Variants in MAPK10 observed in about 807,000 individuals in gnomAD.
The protein encoded by MAPK10 is JNK3 alpha protein kinase.
MAPK10 carries 25 observed loss-of-function variants against 59.3 expected under a neutral mutation model. The ratio of observed to expected loss-of-function variants is 0.42; its 90% CI spans 0.31 to 0.59. The LOEUF (loss-of-function observed/expected upper bound fraction) is 0.59, where lower values mean the gene tolerates loss of function less well. Among genes scored for constraint, MAPK10 ranks in the 20% least tolerant of loss-of-function variants. MAPK10 has a pLI of 0.15. For missense variants in MAPK10, 351 were observed against 568.9 expected, an observed-to-expected ratio of 0.62 and a Z score of 3.90; for synonymous variants, 190 against 200.5, an observed-to-expected ratio of 0.95 and a Z score of 0.44.
intron 3 of MAPK10, among the ~76,000 whole-genome samples, chr4:86,162,518 G>T (rs797020917): frequency 6.6e-6 from 1 of 152,016 alleles, no homozygotes; most frequent in African/African-American, 2.4e-5. Flanking sequence ...TGGTCTTGGC[G>T]CAAACTCATG....
chr4:86,479,474 CAA>C (rs35632643), intron 1 of MAPK10, among the ~76,000 whole-genome samples: 12 of 138,390 alleles, frequency 8.7e-5, no homozygotes, highest in Non-Finnish European at 6.3e-5. Context: ...CACCCCCCAC[CAA>C]AAAAAAAAAA....
intron 1 of MAPK10, among the ~76,000 whole-genome samples, chr4:86,377,688 A>AT (rs1740035437): frequency 6.6e-6 from 1 of 152,172 alleles, no homozygotes; most frequent in Admixed American, 6.5e-5. Flanking sequence ...AGGAATAAAC[A>AT]TTTTTAAGTC....
intron 1 of MAPK10, among the ~76,000 whole-genome samples, chr4:86,432,482 G>A (rs1325928856): frequency 1.3e-5 from 2 of 152,098 alleles, no homozygotes; most frequent in Non-Finnish European, 1.5e-5. Flanking sequence ...GTTTCACCAC[G>A]TTGGCTACGT....
At chr4:86,479,487 A>C (rs1753402573) in intron 1 of MAPK10, among the ~76,000 whole-genome samples, 1 of 151,522 alleles carries the variant, frequency 6.6e-6, no homozygotes, top group African/African-American at 2.4e-5. Flanking sequence ...AAAAAAAAAA[A>C]AACTTGTCGT....
chr4:86,450,090 C>T (rs532779150), intron 1 of MAPK10, among the ~76,000 whole-genome samples: 2 of 152,270 alleles, frequency 1.3e-5, no homozygotes, highest in East Asian at 3.9e-4. Flanking sequence ...TCCACAGAAA[C>T]GATGAGATAA....
At chr4:86,187,733 G>A (rs1300119336) in intron 3 of MAPK10, among the ~76,000 whole-genome samples, 1 of 151,986 alleles carries the variant, frequency 6.6e-6, no homozygotes, top group Admixed American at 6.6e-5. Flanking sequence ...AAATGAATTA[G>A]AAACTAAACA....
chr4:86,134,134 T>C (rs2061478165), intron 4 of MAPK10, among the ~76,000 whole-genome samples: 1 of 152,222 alleles, frequency 6.6e-6, no homozygotes, highest in African/African-American at 2.4e-5. Flanking sequence ...CTAAGTCCTA[T>C]TAATTCTGTG....
intron 9 of MAPK10, chr4:86,091,555 T>C (rs1580086821): frequency 6.8e-6 from 1 of 147,578 alleles, no homozygotes; most frequent in African/African-American, 2.5e-5. Context: ...TTTTTTTTTT[T>C]TTTTTTTTTT....
chr4:86,250,606 T>A (rs1370392747), intron 2 of MAPK10, among the ~76,000 whole-genome samples: 1 of 152,138 alleles, frequency 6.6e-6, no homozygotes, highest in Non-Finnish European at 1.5e-5. Context: ...TACATCTCAA[T>A]TTCATAGAGG....
chr4:86,375,056 A>G (rs981764036), intron 1 of MAPK10, among the ~76,000 whole-genome samples: 1 of 152,214 alleles, frequency 6.6e-6, no homozygotes, highest in Non-Finnish European at 1.5e-5. Context: ...AGACACAGAC[A>G]TGAATGATTA....
At chr4:86,154,317 A>G (rs926665700) in intron 4 of MAPK10, among the ~76,000 whole-genome samples, 1 of 152,152 alleles carries the variant, frequency 6.6e-6, no homozygotes. Flanking sequence ...AATGTTTACA[A>G]CTAACATATT....
chr4:86,233,888 G>GT (rs151222707), intron 2 of MAPK10, among the ~76,000 whole-genome samples: 12,921 of 152,174 alleles, frequency 0.085, 1,216 homozygotes, highest in African/African-American at 0.23. Flanking sequence ...CTCCCAAGGC[G>GT]TGTGCCTTCC....
intron 9 of MAPK10, among the ~76,000 whole-genome samples, chr4:86,071,710 G>A (rs527923093): frequency 3.3e-5 from 5 of 151,370 alleles, no homozygotes; most frequent in South Asian, 2.1e-4. Flanking sequence ...GTAGGTATGC[G>A]GCGTTATTTC....
chr4:86,416,241 G>A (rs1374041907), intron 1 of MAPK10, among the ~76,000 whole-genome samples: 1 of 152,182 alleles, frequency 6.6e-6, no homozygotes, highest in Admixed American at 6.5e-5. Context: ...AAGAAGGCAG[G>A]CATCTGCAAG....
chr4:86,252,303 T>C (rs2093483058), intron 2 of MAPK10, among the ~76,000 whole-genome samples: 3 of 123,294 alleles, frequency 2.4e-5, no homozygotes, highest in Admixed American at 2.2e-4. Context: ...TTTATGGTTT[T>C]AGGTCTAACG....
chr4:86,423,933 T>C (rs1422402982), intron 1 of MAPK10, among the ~76,000 whole-genome samples: 1 of 151,610 alleles, frequency 6.6e-6, no homozygotes, highest in Admixed American at 6.6e-5. Flanking sequence ...CTACAAGATA[T>C]AGAGTAAAGG....
At chr4:86,149,493 C>T (rs2065868246) in intron 4 of MAPK10, among the ~76,000 whole-genome samples, 1 of 152,042 alleles carries the variant, frequency 6.6e-6, no homozygotes, top group African/African-American at 2.4e-5. Flanking sequence ...TCTTGAACAC[C>T]CGACCTCAGG....
intron 1 of MAPK10, among the ~76,000 whole-genome samples, chr4:86,520,711 CT>C (rs1757050953): frequency 6.6e-6 from 1 of 152,064 alleles, no homozygotes; most frequent in South Asian, 2.1e-4. Context: ...TGAACAGTTA[CT>C]TTTTGGCTCC....
Position 86,017,493 on chromosome 4 carries a change from G to T in MAPK10, c.1253-123C>A. 1.9e-6 allele frequency: 2 copies of T among 1,054,812 alleles called. No individual in the cohort carries two copies. The highest frequency in any genetic ancestry group is 2.8e-6 in the Non-Finnish European group (2 of 710,998). The allele number at this position is 1,054,812 out of a possible 1,614,324, so 65.3% of individuals were successfully genotyped here. ...GTCCAGTCCATCAATCATTTGGCAA[G>T]CCTTTATAGAGCAGCTGACATAGGG... On this transcript the variant is annotated intron_variant, in intron 13 of 13. Coordinates refer to ENST00000641462, the MANE Select transcript of MAPK10 (RefSeq NM_138982.4). The surrounding 1 kb of genome is among the most constrained non-coding windows in gnomAD (Gnocchi z 4.4).
Sources: allele counts gnomAD v4.1 joint callset (sites outside exome capture counted in the v4.1 genomes callset), GRCh38; gene constraint gnomAD v4.1.1; non-coding constraint Gnocchi (gnomAD v3.1); transcripts MANE v1.5; gene names NCBI Gene and HGNC (gene_info 2026-07-23, HGNC 2026-07-21).